ALOX5: variants seen among roughly 807,000 people sequenced by gnomAD.
ALOX5 encodes the protein polyunsaturated fatty acid 5-lipoxygenase.
ALOX5 carries 64 observed loss-of-function variants against 87.9 expected under a neutral mutation model. The ratio of observed to expected loss-of-function variants is 0.73; its 90% confidence interval spans 0.60 to 0.90. The LOEUF is 0.90. Among genes scored for constraint, ALOX5 ranks in the 40% least tolerant of loss-of-function variants. ALOX5 has a pLI of 0.00. For synonymous variants in ALOX5, 388 were observed against 355.1 expected, an observed-to-expected ratio of 1.09 and a Z score of -1.04; for missense variants, 822 against 907.5, an observed-to-expected ratio of 0.91 and a Z score of 1.21.
intron 2 of ALOX5, among the ~76,000 whole-genome samples, chr10:45,383,753 G>A (rs1839923053): frequency 6.6e-6 from 1 of 152,202 alleles, no homozygotes; most frequent in African/African-American, 2.4e-5. Flanking sequence ...TTTGACTTAA[G>A]AAACCAAATT....
At chr10:45,399,302 G>A (rs1449827664) in intron 3 of ALOX5, among the ~76,000 whole-genome samples, 1 of 152,228 alleles carries the variant, frequency 6.6e-6, no homozygotes, top group African/African-American at 2.4e-5. Context: ...GAATGAGGAA[G>A]TGGTCATGGG....
chr10:45,383,367 G>C (rs1354919179), intron 2 of ALOX5, among the ~76,000 whole-genome samples: 2 of 152,264 alleles, frequency 1.3e-5, no homozygotes, highest in African/African-American at 4.8e-5. Context: ...CAGGCGTCAA[G>C]GTCAGCCAAG....
Position 45,445,491 on chromosome 10 carries a change from C to T in ALOX5, c.1846-17C>T. ...TAGTGGATTGACCTATGTGTGTGTC[C>T]ATGTCTGGGCCCTCAGCTGTTCCTG... On this transcript the variant is annotated splice_polypyrimidine_tract_variant and intron_variant, in intron 13 of 13. Coordinates refer to ENST00000374391, the MANE Select transcript of ALOX5 (RefSeq NM_000698.5). 1 of 1,609,346 alleles carries T rather than the reference C, an allele frequency of 6.2e-7. No homozygotes were observed. Among genetic ancestry groups the T allele is most frequent in the South Asian group, 1.1e-5 (1 of 90,866 alleles).
chr10:45,380,251 G>A (rs1839780291), intron 1 of ALOX5, among the ~76,000 whole-genome samples: 1 of 152,236 alleles, frequency 6.6e-6, no homozygotes. Context: ...GCCGAGGCTG[G>A]TCCACATGTG....
At chr10:45,397,148 C>G (rs1840538970) in intron 3 of ALOX5, among the ~76,000 whole-genome samples, 1 of 152,156 alleles carries the variant, frequency 6.6e-6, no homozygotes, top group Non-Finnish European at 1.5e-5. Flanking sequence ...TTTGGGAGGC[C>G]AAGGCGGGTG....
intron 5 of ALOX5, 98 bp from the exon 6 acceptor site, chr10:45,424,862 C>T: frequency 4.1e-6 from 6 of 1,456,070 alleles, no homozygotes; most frequent in African/African-American, 1.4e-5. Flanking sequence ...GGAGAGGAGA[C>T]CAAGCAGGGA....
intron 4 of ALOX5, among the ~76,000 whole-genome samples, chr10:45,417,260 C>T (rs1564433806): frequency 6.6e-6 from 1 of 152,082 alleles, no homozygotes; most frequent in Non-Finnish European, 1.5e-5. Context: ...ACAGCCTAGA[C>T]ATATGGTTCT....
Position 45,443,200 on chromosome 10 carries a change from TG to T in ALOX5, c.1438del (p.Glu480LysfsTer11). ...CTACCGGGACGACGGGCTCCTGGTG[TG>T]GGAAGCCATCAGGACGTGAGCGCCC... ...YFYRDDGLLV[W>X]EAIRTFTAEV... On this transcript the variant is annotated frameshift_variant, in exon 10 of 14. Coordinates refer to ENST00000374391, the MANE Select transcript of ALOX5 (RefSeq NM_000698.5). LOFTEE classifies it high-confidence loss of function. The T allele has an allele frequency of 6.2e-7, 1 of 1,613,320 alleles. No individual in the cohort carries two copies.
intron 4 of ALOX5, among the ~76,000 whole-genome samples, chr10:45,414,656 A>T (rs1051724151): frequency 6.6e-6 from 1 of 152,238 alleles, no homozygotes; most frequent in Non-Finnish European, 1.5e-5. Context: ...CAGGCAACCT[A>T]CAGAATGGGA....
intron 6 of ALOX5, chr10:45,428,218 T>C (rs1589036544): frequency 1.2e-5 from 2 of 161,316 alleles, no homozygotes; most frequent in South Asian, 1.7e-4. Flanking sequence ...TGGCTCTGAC[T>C]GGGGTTGAGT....
At chr10:45,396,400 C>G (rs1228152294) in intron 3 of ALOX5, among the ~76,000 whole-genome samples, 2 of 151,958 alleles carry the variant, frequency 1.3e-5, no homozygotes, top group Non-Finnish European at 2.9e-5. Context: ...AAATGAGACT[C>G]ATAAAATGAG....
chr10:45,379,265 A>C (rs1162312602), intron 1 of ALOX5, among the ~76,000 whole-genome samples: 1 of 151,340 alleles, frequency 6.6e-6, no homozygotes, highest in African/African-American at 2.4e-5. Context: ...CCTGTCATCT[A>C]TCCCCTGGGG....
intron 4 of ALOX5, among the ~76,000 whole-genome samples, chr10:45,420,543 G>A (rs1841464954): frequency 6.6e-6 from 1 of 152,222 alleles, no homozygotes; most frequent in African/African-American, 2.4e-5. Context: ...TACACTCCCC[G>A]CCTAGAGTGG....
At chr10:45,411,125 G>C (rs4949001) in intron 3 of ALOX5, among the ~76,000 whole-genome samples, 1 of 152,036 alleles carries the variant, frequency 6.6e-6, no homozygotes, top group Non-Finnish European at 1.5e-5. Context: ...TTTGTAAACT[G>C]TCATGGCACT....
intron 2 of ALOX5, among the ~76,000 whole-genome samples, chr10:45,382,899 T>C (rs184697303): frequency 6.6e-6 from 1 of 152,356 alleles, no homozygotes; most frequent in Admixed American, 6.5e-5. Context: ...GGCCTCACTG[T>C]CGTCATGTCC....
chr10:45,398,419 C>A (rs1178331561), intron 3 of ALOX5, among the ~76,000 whole-genome samples: 1 of 152,104 alleles, frequency 6.6e-6, no homozygotes, highest in African/African-American at 2.4e-5. Flanking sequence ...CAGGAGTAAA[C>A]CTTCATGACT....
Position 45,387,297 on chromosome 10 carries a change from C to T in ALOX5, c.349+4616C>T, listed in dbSNP as rs370032531. ...CCTCTGTGTAGGCACGACAGGAAACCGGGTTGTGTCATCGTCACACATTTC... is the reference window on the plus strand; with the variant it reads ...CCTCTGTGTAGGCACGACAGGAAACTGGGTTGTGTCATCGTCACACATTTC... On this transcript the variant is annotated intron_variant, in intron 2 of 13. Transcript: ENST00000374391. 5.3e-5 allele frequency among the ~76,000 whole-genome samples: 8 copies of T among 152,200 alleles called. No individual in the cohort carries two copies. In the East Asian group the frequency reaches 1.4e-3, roughly 26 times the overall value.
chr10:45,421,204 A>G (rs1005755327), intron 4 of ALOX5, among the ~76,000 whole-genome samples: 114 of 152,356 alleles, frequency 7.5e-4, no homozygotes, highest in African/African-American at 2.5e-3. Flanking sequence ...GATGACATGT[A>G]AATATGTTCC....
intron 3 of ALOX5, among the ~76,000 whole-genome samples, chr10:45,405,208 G>A (rs1477741333): frequency 6.6e-6 from 1 of 152,164 alleles, no homozygotes; most frequent in African/African-American, 2.4e-5. Context: ...TCAGATTGCT[G>A]GAACAAATCA....
Sources: allele counts gnomAD v4.1 joint callset (sites outside exome capture counted in the v4.1 genomes callset), GRCh38; gene constraint gnomAD v4.1.1; transcripts MANE v1.5; gene names NCBI Gene and HGNC (gene_info 2026-07-23, HGNC 2026-07-21).